The following ADGRB3 variants were observed in gnomAD, a reference collection of about 807,000 sequenced individuals.
The protein encoded by ADGRB3 is brain-specific angiogenesis inhibitor 3.
ADGRB3 carries 37 observed loss-of-function variants against 193.4 expected under a neutral mutation model. The observed-to-expected ratio is 0.19, with a 90% CI of 0.15 to 0.25. ADGRB3 has a LOEUF of 0.25. ADGRB3 is among the 10% of genes least tolerant of loss of function. ADGRB3 has a pLI of 1.00. For missense variants in ADGRB3, 1,637 were observed against 1,852.9 expected (o/e 0.88, Z 2.14); for synonymous variants, 690 against 644.2 (o/e 1.07, Z -1.08).
At chr6:68,675,747 C>T (rs1769072691) in intron 3 of ADGRB3, among the ~76,000 whole-genome samples, 1 of 152,132 alleles carries the variant, frequency 6.6e-6, no homozygotes, top group Non-Finnish European at 1.5e-5. Context: ...GGACCACAGG[C>T]CTTCCTGTGG....
chr6:69,288,982 C>T (rs1223551278), intron 20 of ADGRB3, among the ~76,000 whole-genome samples: 2 of 152,068 alleles, frequency 1.3e-5, no homozygotes, highest in East Asian at 3.9e-4. Flanking sequence ...TCCCCCAACC[C>T]AATAAACCTG....
intron 3 of ADGRB3, among the ~76,000 whole-genome samples, chr6:68,722,991 GT>G (rs557184107): frequency 6.6e-6 from 1 of 151,636 alleles, no homozygotes; most frequent in Non-Finnish European, 1.5e-5. Flanking sequence ...ACACTGTAGG[GT>G]TTTTTTACAG....
At chr6:68,937,852 A>G (rs1767522415) in intron 5 of ADGRB3, among the ~76,000 whole-genome samples, 5 of 152,240 alleles carry the variant, frequency 3.3e-5, no homozygotes, top group Non-Finnish European at 2.9e-5. Context: ...GTTTCACAAC[A>G]TTATGAATAT....
intron 17 of ADGRB3, among the ~76,000 whole-genome samples, chr6:69,100,535 A>G (rs1038720803): frequency 2.6e-5 from 4 of 152,136 alleles, no homozygotes; most frequent in African/African-American, 9.6e-5. Context: ...CAAATGTAAC[A>G]GCTGACCTTC....
At chr6:69,082,203 T>G (rs2150314745) in intron 17 of ADGRB3, among the ~76,000 whole-genome samples, 1 of 152,184 alleles carries the variant, frequency 6.6e-6, no homozygotes, top group South Asian at 2.1e-4. Flanking sequence ...TGCCAGCCTC[T>G]GCCCCAAACA....
intron 20 of ADGRB3, among the ~76,000 whole-genome samples, chr6:69,318,819 G>A (rs1768374322): frequency 6.7e-6 from 1 of 149,352 alleles, no homozygotes; most frequent in South Asian, 2.1e-4. Context: ...ATTTTATGTA[G>A]CTTGTCAAGG....
chr6:69,373,470 A>G (rs1391245571), intron 30 of ADGRB3, among the ~76,000 whole-genome samples: 1 of 152,114 alleles, frequency 6.6e-6, no homozygotes, highest in Non-Finnish European at 1.5e-5. Context: ...TCAGACTACA[A>G]GATACAAAGT....
At chr6:68,914,025 A>T (rs1022247051) in intron 3 of ADGRB3, among the ~76,000 whole-genome samples, 1 of 151,712 alleles carries the variant, frequency 6.6e-6, no homozygotes, top group Non-Finnish European at 1.5e-5. Context: ...CAAAGCCTCC[A>T]AGAAATATGG....
chr6:68,716,053 A>T (rs2127319509), intron 3 of ADGRB3, among the ~76,000 whole-genome samples: 1 of 151,910 alleles, frequency 6.6e-6, no homozygotes, highest in South Asian at 2.1e-4. Flanking sequence ...TATAGATTAA[A>T]TAAAGAAGAA....
intron 3 of ADGRB3, among the ~76,000 whole-genome samples, chr6:68,908,206 A>G (rs902842906): frequency 2.0e-5 from 3 of 152,022 alleles, no homozygotes; most frequent in Non-Finnish European, 4.4e-5. Flanking sequence ...AAAAAGAAAC[A>G]TCTATTGGCA....
chr6:68,752,300 G>T (rs1275472971), intron 3 of ADGRB3, among the ~76,000 whole-genome samples: 2 of 135,534 alleles, frequency 1.5e-5, no homozygotes, highest in South Asian at 4.7e-4. Context: ...TTTTGAGACA[G>T]AATTTTGCTC....
intron 3 of ADGRB3, among the ~76,000 whole-genome samples, chr6:68,642,469 T>C (rs1156498229): frequency 6.6e-6 from 1 of 152,146 alleles, no homozygotes; most frequent in Non-Finnish European, 1.5e-5. Context: ...AAAAATTTCA[T>C]AGCCAGAAAA....
At chr6:69,314,538 A>G (rs1768271449) in intron 20 of ADGRB3, among the ~76,000 whole-genome samples, 1 of 151,624 alleles carries the variant, frequency 6.6e-6, no homozygotes, top group Non-Finnish European at 1.5e-5. Flanking sequence ...TGAAGAGATG[A>G]TGTTTCCTCA....
At chr6:68,718,978 TTCTTTAGAGTTTGCTAGCC>T (rs1437666350) in intron 3 of ADGRB3, among the ~76,000 whole-genome samples, 1 of 151,784 alleles carries the variant, frequency 6.6e-6, no homozygotes, top group Non-Finnish European at 1.5e-5. Flanking sequence ...TACCATCTGG[TTCTTTAGAGTTTGCTAGCC>T]TCTGAACTAA....
At chr6:69,208,819 G>A (rs1331792939) in intron 17 of ADGRB3, among the ~76,000 whole-genome samples, 3 of 152,206 alleles carry the variant, frequency 2.0e-5, no homozygotes, top group Non-Finnish European at 4.4e-5. Flanking sequence ...TCCATTTGAT[G>A]ATGGAATGGT....
chr6:69,144,141 T>G (rs1210952713), intron 17 of ADGRB3, among the ~76,000 whole-genome samples: 1 of 152,188 alleles, frequency 6.6e-6, no homozygotes, highest in Non-Finnish European at 1.5e-5. Context: ...TTGTAGCTAC[T>G]GTGTAGACTA....
At chr6:69,297,410 C>CTCTATATA (rs1554192101) in intron 20 of ADGRB3, among the ~76,000 whole-genome samples, 166 of 128,278 alleles carry the variant, frequency 1.3e-3, no homozygotes, top group African/African-American at 4.0e-3. Flanking sequence ...CTCTCTCTCT[C>CTCTATATA]TATATATATA....
chr6:68,696,117 A>G (rs1443321751), intron 3 of ADGRB3, among the ~76,000 whole-genome samples: 1 of 152,018 alleles, frequency 6.6e-6, no homozygotes, highest in African/African-American at 2.4e-5. Context: ...CCCGTTATCA[A>G]TGGTTTACAG....
chr6:68,817,303 C>CAATATATA (rs1767649039), intron 3 of ADGRB3, among the ~76,000 whole-genome samples: 1 of 32,726 alleles, frequency 3.1e-5, no homozygotes. Context: ...TCCCTTTTGT[C>CAATATATA]CATGTATATA....
Sources: gnomAD v4.1 joint callset for allele counts (sites outside exome capture counted in the v4.1 genomes callset) on GRCh38, gnomAD v4.1.1 for gene constraint, MANE v1.5 for transcripts, NCBI Gene and HGNC (gene_info 2026-07-23, HGNC 2026-07-21) for gene names.